The following MAP3K4 variants were observed in gnomAD, a reference collection of about 807,000 sequenced individuals.
MAP3K4 encodes the protein MAP three kinase 1.
Under a neutral mutation model 185.6 loss-of-function variants are expected in MAP3K4, and 67 were observed. The ratio of observed to expected loss-of-function variants is 0.36; its 90% CI spans 0.30 to 0.44. The LOEUF is 0.44. MAP3K4 is among the 20% of genes least tolerant of loss of function. The pLI is 1.00. For synonymous variants in MAP3K4, 702 were observed against 710.4 expected, an observed-to-expected ratio of 0.99 and a Z score of 0.19; for missense variants, 1,551 against 1,995.1, an observed-to-expected ratio of 0.78 and a Z score of 4.24.
intron 1 of MAP3K4, among the ~76,000 whole-genome samples, chr6:160,998,161 C>T (rs1473800458): frequency 3.9e-5 from 6 of 152,188 alleles, no homozygotes; most frequent in East Asian, 1.9e-4. Context: ...TGCGCACCAC[C>T]ACACTGTCAG....
intron 1 of MAP3K4, among the ~76,000 whole-genome samples, chr6:161,004,663 G>A (rs140091741): frequency 6.6e-6 from 1 of 152,190 alleles, no homozygotes; most frequent in African/African-American, 2.4e-5. Flanking sequence ...ATAGGATCGT[G>A]GGTTACCAAG....
At chr6:161,058,824 A>G (rs970664966) in intron 3 of MAP3K4, among the ~76,000 whole-genome samples, 7 of 152,048 alleles carry the variant, frequency 4.6e-5, no homozygotes, top group Admixed American at 2.6e-4. Context: ...ATTCCATTCT[A>G]TGAATGTACC....
In MAP3K4 at chr6:161,072,768, C is replaced by T. The variant is rs372952587; in HGVS notation, c.1951-698C>T. 6.6e-5 allele frequency among the ~76,000 whole-genome samples: 10 copies of T among 152,244 alleles called. No homozygotes were observed. The South Asian group carries it at 1.0e-3, about 16-fold the overall frequency. On this transcript the variant is annotated intron_variant, in intron 4 of 26. Coordinates refer to ENST00000392142, the MANE Select transcript of MAP3K4 (RefSeq NM_005922.4). ...TACAGTCCCTGTTTATTAGAATTTG[C>T]GTACATTGTGTCTCAGTCTTTTTAT...
rs1256078779 is a variant in MAP3K4 at position 161,086,095 on chromosome 6, A to G, written c.2373-284A>G. Among the ~76,000 whole-genome samples, 1 of 152,248 alleles carries G rather than the reference A, an allele frequency of 6.6e-6. No individual in the cohort carries two copies. The highest frequency in any genetic ancestry group is 1.5e-5 in the Non-Finnish European group (1 of 68,040). ...ACTTAACCTTAAACTCCAAGAAATGATCATAATGAAATGTTAAGAAAATTG... is the reference window on the plus strand; with the variant it reads ...ACTTAACCTTAAACTCCAAGAAATGGTCATAATGAAATGTTAAGAAAATTG... On this transcript the variant is annotated intron_variant, in intron 7 of 26. Transcript: ENST00000392142. This position sits in a 1 kb window ranked among gnomAD's most constrained non-coding sequence, Gnocchi z 4.8.
chr6:161,113,525 G>C (rs1295952297), intron 25 of MAP3K4, among the ~76,000 whole-genome samples: 1 of 152,114 alleles, frequency 6.6e-6, no homozygotes, highest in African/African-American at 2.4e-5. Context: ...ATGGACTTCA[G>C]TTAACAGTAG....
At position 161,070,538 on chromosome 6, in the gene MAP3K4, T is replaced by C. The variant is rs892327629; in HGVS notation, c.1708-70T>C. The stretch of plus-strand genomic sequence containing the variant: ...TTAGCACATTGTAGAGAATAAGAGT[T>C]TATAACCACAACCGTAGAACGTTGT... On this transcript the variant is annotated intron_variant, in intron 3 of 26. Transcript: ENST00000392142. This position sits in a 1 kb window ranked among gnomAD's most constrained non-coding sequence, Gnocchi z 4.5. 1.6e-5 allele frequency: 23 copies of C among 1,394,736 alleles called. No individual in the cohort carries two copies. Among genetic ancestry groups the C allele is most frequent in the Non-Finnish European group, 2.3e-5 (23 of 1,017,242 alleles). 86.4% of individuals were successfully genotyped at this position (1,394,736 alleles called of 1,614,324 possible).
At position 161,086,552 on chromosome 6, in the gene MAP3K4, G is replaced by A. The variant is rs368491666; in HGVS notation, c.2473-32G>A. 2.0e-4 allele frequency: 314 copies of A among 1,604,072 alleles called. 3 individuals carry two copies. In the Middle Eastern group the frequency reaches 9.1e-3, roughly 47 times the overall value. ...TTATCTTATTTTTTTAATGCTAACC[G>A]TAAAGAAGTTTCTTTGTAACTGTGA... On this transcript the variant is annotated intron_variant, in intron 8 of 26. Coordinates refer to ENST00000392142, the MANE Select transcript of MAP3K4 (RefSeq NM_005922.4). The surrounding 1 kb of genome is among the most constrained non-coding windows in gnomAD (Gnocchi z 4.8).
rs1163863084 is a variant in MAP3K4 at position 161,114,483 on chromosome 6, T to C, written c.4627-640T>C. On this transcript the variant is annotated intron_variant, in intron 25 of 26. Coordinates refer to ENST00000392142, the MANE Select transcript of MAP3K4 (RefSeq NM_005922.4). This position sits in a 1 kb window ranked among gnomAD's most constrained non-coding sequence, Gnocchi z 4.3. Reference sequence around the variant, plus strand: ...TAAATATTAGCTAGCATTATTTCTATTAGCATTAAAATAGAAAGGCAGTTG... The same window carrying C: ...TAAATATTAGCTAGCATTATTTCTACTAGCATTAAAATAGAAAGGCAGTTG... Among the ~76,000 whole-genome samples, 1 of 152,218 alleles carries C rather than the reference T, an allele frequency of 6.6e-6. No individual in the cohort carries two copies. Among genetic ancestry groups the C allele is most frequent in the Non-Finnish European group, 1.5e-5 (1 of 68,040 alleles).
In MAP3K4 at chr6:161,007,728, T is replaced by G. The variant is rs1290487720; in HGVS notation, c.152+15645T>G. ...CTTCTGCTCTTTAATAGGCTTTGTT[T>G]CTAGTAAGGTCATGCTTATTTAACT... is the stretch of plus-strand genomic sequence containing the variant. On this transcript the variant is annotated intron_variant, in intron 1 of 26. Transcript: ENST00000392142. The surrounding 1 kb of genome is among the most constrained non-coding windows in gnomAD (Gnocchi z 4.5). Among the ~76,000 whole-genome samples, 1 of 152,230 alleles carries G rather than the reference T, an allele frequency of 6.6e-6. No individual in the cohort carries two copies.
intron 2 of MAP3K4, among the ~76,000 whole-genome samples, chr6:161,036,064 A>G (rs886238015): frequency 5.3e-5 from 8 of 152,172 alleles, no homozygotes; most frequent in Non-Finnish European, 8.8e-5. Context: ...AGTTGACTTT[A>G]TGGTCTTTCA....
rs1784003679 is a variant in MAP3K4 at position 161,051,594 on chromosome 6, A to G, written c.1707+1615A>G. On this transcript the variant is annotated intron_variant, in intron 3 of 26. Transcript: ENST00000392142. The surrounding 1 kb of genome is among the most constrained non-coding windows in gnomAD (Gnocchi z 4.2). ...TTTGTATTGTGACCACTGGTTTTGA[A>G]GTAACATGAGTGAAGAAAAAAGTCC... Among the ~76,000 whole-genome samples the G allele has an allele frequency of 6.6e-6, 1 of 152,196 alleles. No individual in the cohort carries two copies. The highest frequency in any genetic ancestry group is 2.4e-5 in the African/African-American group (1 of 41,450).
Position 161,110,756 on chromosome 6 carries a change from A to G in MAP3K4, c.4396+842A>G, listed in dbSNP as rs951477295. Among the ~76,000 whole-genome samples, 1 of 152,066 alleles carries G rather than the reference A, an allele frequency of 6.6e-6. No homozygotes were observed. Among genetic ancestry groups the G allele is most frequent in the South Asian group, 2.1e-4 (1 of 4,808 alleles). ...TGCTCTGTAATGTGGCTCACCCTGAATCACCCAGCATACACCGGTCTCATT... is the reference window on the plus strand; with the variant it reads ...TGCTCTGTAATGTGGCTCACCCTGAGTCACCCAGCATACACCGGTCTCATT... On this transcript the variant is annotated intron_variant, in intron 23 of 26. Coordinates refer to ENST00000392142, the MANE Select transcript of MAP3K4 (RefSeq NM_005922.4). The surrounding 1 kb of genome is among the most constrained non-coding windows in gnomAD (Gnocchi z 4.8).
At position 161,051,556 on chromosome 6, in the gene MAP3K4, G is replaced by T. The variant is rs1784002140; in HGVS notation, c.1707+1577G>T. Among the ~76,000 whole-genome samples the T allele has an allele frequency of 6.6e-6, 1 of 152,170 alleles. No individual in the cohort carries two copies. Among genetic ancestry groups the T allele is most frequent in the African/African-American group, 2.4e-5 (1 of 41,444 alleles). Reference sequence around the variant, plus strand: ...TTAAGGACATATGTTGGTAAGACAGGATTGATGTTTAATTTGTATTGTGAC... The same window carrying T: ...TTAAGGACATATGTTGGTAAGACAGTATTGATGTTTAATTTGTATTGTGAC... On this transcript the variant is annotated intron_variant, in intron 3 of 26. Coordinates refer to ENST00000392142, the MANE Select transcript of MAP3K4 (RefSeq NM_005922.4). The surrounding 1 kb of genome is among the most constrained non-coding windows in gnomAD (Gnocchi z 4.2).
rs1267002425 is a variant in MAP3K4 at position 161,071,748 on chromosome 6, G to T, written c.1950+898G>T. Among the ~76,000 whole-genome samples the T allele has an allele frequency of 6.6e-6, 1 of 152,192 alleles. No individual in the cohort carries two copies. Among genetic ancestry groups the T allele is most frequent in the African/African-American group, 2.4e-5 (1 of 41,426 alleles). ...TTGGTTCATACCCAGCACCGCCAGA[G>T]CTCTGTTTCCATGTTAGCTCCCCTT... On this transcript the variant is annotated intron_variant, in intron 4 of 26. Coordinates refer to ENST00000392142, the MANE Select transcript of MAP3K4 (RefSeq NM_005922.4). The surrounding 1 kb of genome is among the most constrained non-coding windows in gnomAD (Gnocchi z 4.6).
Position 161,089,364 on chromosome 6 carries a change from A to G in MAP3K4, c.2866A>G (p.Thr956Ala). 1 of 1,614,156 alleles carries G rather than the reference A, an allele frequency of 6.2e-7. No individual in the cohort carries two copies. The highest frequency in any genetic ancestry group is 8.5e-7 in the Non-Finnish European group (1 of 1,180,022). The change falls in exon 11 of 27, where the codon ACA becomes GCA. Residue 956 changes from threonine (T) to alanine (A), a missense_variant. Around this residue, in one of 16 missense-constraint regions of MAP3K4, gnomAD observed 261 missense variants for 306.5 expected, o/e 0.85. Transcript: ENST00000392142. ...LLVVMQSAHL[T>A]IQRKAFQQSI... is the part of the protein sequence containing the mutation. ...AGTTGTCATGCAGTCTGCGCATCTC[A>G]CAATTCAGAGAAAAGCTTTCCAGCA...
In MAP3K4 at chr6:161,108,880, CTCTT is replaced by C; in HGVS notation, c.4236+23_4236+26del. 1 of 1,600,552 alleles carries C rather than the reference CTCTT, an allele frequency of 6.2e-7. No individual in the cohort carries two copies. The highest frequency in any genetic ancestry group is 8.6e-7 in the Non-Finnish European group (1 of 1,167,622). The stretch of plus-strand genomic sequence containing the variant: ...ATAGAGTAAGCCGACCCTAATGCCA[CTCTT>C]TGTGTGAGGAATCAGTGAGGGCACA... On this transcript the variant is annotated intron_variant, in intron 22 of 26. Coordinates refer to ENST00000392142, the MANE Select transcript of MAP3K4 (RefSeq NM_005922.4). The surrounding 1 kb of genome is among the most constrained non-coding windows in gnomAD (Gnocchi z 5.7).
rs558075596 is a variant in MAP3K4 at position 161,087,368 on chromosome 6, G to A, written c.2557-320G>A. On this transcript the variant is annotated intron_variant, in intron 9 of 26. Transcript: ENST00000392142. This position sits in a 1 kb window ranked among gnomAD's most constrained non-coding sequence, Gnocchi z 4.9. The stretch of plus-strand genomic sequence containing the variant: ...GACTTTTTGTAAGCATCACAAACTA[G>A]CAGTGGTTGAGGTTCTTTCAGGCTG... 6.6e-6 allele frequency among the ~76,000 whole-genome samples: 1 copy of A among 152,294 alleles called. No individual in the cohort carries two copies. The highest frequency in any genetic ancestry group is 1.5e-5 in the Non-Finnish European group (1 of 68,026).
At chr6:161,020,515 G>A (rs1438284471) in intron 1 of MAP3K4, among the ~76,000 whole-genome samples, 1 of 152,006 alleles carries the variant, frequency 6.6e-6, no homozygotes, top group Admixed American at 6.6e-5. Context: ...AATATTAGCT[G>A]GGCGTGGTAG....
Position 161,101,810 on chromosome 6 carries a change from T to C in MAP3K4, c.3675-82T>C. 2 of 1,208,458 alleles carry C rather than the reference T, an allele frequency of 1.7e-6. No individual in the cohort carries two copies. Among genetic ancestry groups the C allele is most frequent in the Non-Finnish European group, 2.4e-6 (2 of 834,114 alleles). 74.9% of individuals were successfully genotyped at this position (1,208,458 alleles called of 1,614,324 possible). A position where few individuals can be genotyped will look rare whatever the true frequency, so the allele number is the denominator to read the frequency against. ...GGCAGAGTTGCCCCCAGTTGAGAATTATTGCTCTAGAAAAATCTCGCAGAT... is the reference window on the plus strand; with the variant it reads ...GGCAGAGTTGCCCCCAGTTGAGAATCATTGCTCTAGAAAAATCTCGCAGAT... On this transcript the variant is annotated intron_variant, in intron 17 of 26. Transcript: ENST00000392142. The surrounding 1 kb of genome is among the most constrained non-coding windows in gnomAD (Gnocchi z 5.1).
Sources: gnomAD v4.1 joint callset for allele counts (sites outside exome capture counted in the v4.1 genomes callset) on GRCh38, gnomAD v4.1.1 for gene constraint, gnomAD v4.1.1 regional missense constraint, Gnocchi (gnomAD v3.1) non-coding constraint, MANE v1.5 for transcripts, NCBI Gene and HGNC (gene_info 2026-07-23, HGNC 2026-07-21) for gene names.